Variants in CA10 observed in about 807,000 individuals in gnomAD.
CA10 encodes carbonic anhydrase-related protein 10.
A neutral mutation model predicts 44.2 loss-of-function variants in CA10; 14 were observed. The ratio of observed to expected loss-of-function variants is 0.32; its 90% confidence interval spans 0.21 to 0.50. The LOEUF is 0.50. Among genes scored for constraint, CA10 ranks in the 20% least tolerant of loss-of-function variants. CA10 has a pLI of 0.99. For synonymous variants in CA10, 159 were observed against 141.6 expected, an observed-to-expected ratio of 1.12 and a Z score of -0.87; for missense variants, 350 against 409.7, an observed-to-expected ratio of 0.85 and a Z score of 1.26.
intron 1 of CA10, 132 bp downstream of exon 1, chr17:52,157,594 C>G: frequency 1.5e-6 from 1 of 665,390 alleles, no homozygotes; most frequent in Non-Finnish European, 2.5e-6. Flanking sequence ...ATTCTGAAGG[C>G]GGCAAACCCG....
At chr17:52,153,992 G>T (rs1989754461) in intron 1 of CA10, among the ~76,000 whole-genome samples, 1 of 152,162 alleles carries the variant, frequency 6.6e-6, no homozygotes, top group Non-Finnish European at 1.5e-5. Flanking sequence ...TGTAGAGATT[G>T]CTGATCCTAA....
chr17:52,062,908 A>G (rs1987429013), intron 2 of CA10, among the ~76,000 whole-genome samples: 1 of 152,334 alleles, frequency 6.6e-6, no homozygotes, highest in South Asian at 2.1e-4. Flanking sequence ...TTATATAGCC[A>G]CTGGCAATGA....
intron 3 of CA10, among the ~76,000 whole-genome samples, chr17:51,896,878 G>A (rs1181019626): frequency 6.6e-6 from 1 of 152,014 alleles, no homozygotes; most frequent in Admixed American, 6.6e-5. Flanking sequence ...CCATGTGTAT[G>A]TCTTCTTTTG....
At chr17:51,877,704 G>A (rs1980140274) in intron 3 of CA10, among the ~76,000 whole-genome samples, 1 of 152,164 alleles carries the variant, frequency 6.6e-6, no homozygotes, top group African/African-American at 2.4e-5. Flanking sequence ...ATCTCTAAAT[G>A]ACAATTAGTA....
chr17:52,141,830 G>T (rs1473880464), intron 1 of CA10, among the ~76,000 whole-genome samples: 2 of 152,266 alleles, frequency 1.3e-5, no homozygotes, highest in African/African-American at 4.8e-5. Flanking sequence ...TATCATTACG[G>T]ATTGGAGAGT....
intron 4 of CA10, among the ~76,000 whole-genome samples, chr17:51,663,029 C>A (rs1356392009): frequency 1.5e-4 from 23 of 152,106 alleles, no homozygotes; most frequent in Admixed American, 1.5e-3. Flanking sequence ...GGCTACTTAT[C>A]CCCTCTGATT....
chr17:51,939,643 T>G (rs1376792409), intron 2 of CA10, among the ~76,000 whole-genome samples: 1 of 152,120 alleles, frequency 6.6e-6, no homozygotes, highest in East Asian at 1.9e-4. Context: ...TGATTGAATT[T>G]GCATTTTCTA....
intron 3 of CA10, among the ~76,000 whole-genome samples, chr17:51,896,163 T>A (rs1981059401): frequency 6.6e-6 from 1 of 151,496 alleles, no homozygotes; most frequent in South Asian, 2.1e-4. Flanking sequence ...GTCATGGGAG[T>A]TTGGTGTACA....
At chr17:51,679,986 T>G (rs1353569435) in intron 4 of CA10, among the ~76,000 whole-genome samples, 1 of 152,214 alleles carries the variant, frequency 6.6e-6, no homozygotes, top group Non-Finnish European at 1.5e-5. Flanking sequence ...TCACCCCTAT[T>G]TGTTTGCATA....
intron 1 of CA10, among the ~76,000 whole-genome samples, chr17:52,086,576 G>A (rs1401416920): frequency 6.6e-6 from 1 of 152,296 alleles, no homozygotes; most frequent in African/African-American, 2.4e-5. Flanking sequence ...TAGTCCAGCT[G>A]TGGACTACAC....
rs149448971 is a variant in CA10 at position 51,696,213 on chromosome 17, G to T, written c.466-42477C>A. The stretch of plus-strand genomic sequence containing the variant: ...AGTTAGGGAGGAGTCCCGCCTCCTT[G>T]ATTTTTTGGAATAGTTTCAATAGAG... On this transcript the variant is annotated intron_variant, in intron 4 of 8. Transcript: ENST00000451037. 4.9e-3 allele frequency among the ~76,000 whole-genome samples: 749 copies of T among 152,142 alleles called. 9 individuals carry two copies. The highest frequency in any genetic ancestry group is 0.017 in the African/African-American group (712 of 41,530).
Position 51,867,495 on chromosome 17 carries a change from C to G in CA10, c.279+63495G>C, listed in dbSNP as rs1051423890. On this transcript the variant is annotated intron_variant, in intron 3 of 8. Transcript: ENST00000451037. ...TAAATTCTTTAAGTCTCAGTCTCCT[C>G]TATAATGAGACGAGATGCTCACAGT... Among the ~76,000 whole-genome samples, 3 of 152,252 alleles carry G rather than the reference C, an allele frequency of 2.0e-5. No individual in the cohort carries two copies. In the South Asian group the frequency reaches 6.2e-4, roughly 32 times the overall value.
intron 3 of CA10, among the ~76,000 whole-genome samples, chr17:51,822,217 A>G (rs988455723): frequency 2.6e-5 from 4 of 152,138 alleles, no homozygotes; most frequent in African/African-American, 7.2e-5. Flanking sequence ...TGAGGTCACC[A>G]CAACTAGCCT....
At chr17:51,997,600 GTTC>G (rs1432761396) in intron 2 of CA10, among the ~76,000 whole-genome samples, 1 of 152,038 alleles carries the variant, frequency 6.6e-6, no homozygotes, top group Non-Finnish European at 1.5e-5. Context: ...GCTCAGCAAA[GTTC>G]TTCTCACACT....
intron 4 of CA10, among the ~76,000 whole-genome samples, chr17:51,735,518 C>T (rs889535483): frequency 1.3e-5 from 2 of 148,488 alleles, no homozygotes; most frequent in Admixed American, 1.4e-4. Flanking sequence ...CGAACATGTA[C>T]CCCCCACCCC....
In CA10 at chr17:51,670,058, T is replaced by G. The variant is rs138260475; in HGVS notation, c.466-16322A>C. Among the ~76,000 whole-genome samples the G allele has an allele frequency of 3.9e-5, 6 of 152,334 alleles. No homozygotes were observed. In the East Asian group the frequency reaches 1.2e-3, roughly 29 times the overall value. On this transcript the variant is annotated intron_variant, in intron 4 of 8. Transcript: ENST00000451037. ...CACTTGGTTCTCATGCCAGCTGCCA[T>G]GTAAGATGTTCCCTTTGCTCTTCTT...
chr17:51,787,535 G>A (rs1222763535), intron 3 of CA10, among the ~76,000 whole-genome samples: 2 of 150,892 alleles, frequency 1.3e-5, no homozygotes, highest in Non-Finnish European at 2.9e-5. Flanking sequence ...CTGTCACCCA[G>A]GCTTGAGTGC....
chr17:51,653,864 T>C (rs1913674883), intron 4 of CA10, 128 bp from the exon 5 acceptor site: 5 of 651,512 alleles, frequency 7.7e-6, no homozygotes, highest in South Asian at 3.5e-5. Flanking sequence ...ACAATTTTAA[T>C]TGAAGGGATT....
chr17:51,903,968 C>T (rs1274700716), intron 3 of CA10, among the ~76,000 whole-genome samples: 2 of 151,778 alleles, frequency 1.3e-5, no homozygotes, highest in Non-Finnish European at 2.9e-5. Context: ...AATCTATGAC[C>T]TGACATGTAT....
Sources: allele counts gnomAD v4.1 joint callset (sites outside exome capture counted in the v4.1 genomes callset), GRCh38; gene constraint gnomAD v4.1.1; transcripts MANE v1.5; gene names NCBI Gene and HGNC (gene_info 2026-07-23, HGNC 2026-07-21).